The following CREBBP variants were observed in gnomAD, a reference collection of about 807,000 sequenced individuals.
CREBBP encodes CREB-binding protein.
CREBBP carries 19 observed loss-of-function variants against 265.0 expected under a neutral mutation model. The ratio of observed to expected loss-of-function variants is 0.07; its 90% CI spans 0.05 to 0.11. The LOEUF is 0.11. CREBBP is among the 10% of genes least tolerant of loss of function. The probability of loss-of-function intolerance (pLI) is 1.00; values close to 1 mark genes in which losing one functional copy is unlikely to be tolerated. For synonymous variants in CREBBP, 1,457 were observed against 1,223.7 expected, an observed-to-expected ratio of 1.19 and a Z score of -3.98; for missense variants, 2,525 against 3,219.0, an observed-to-expected ratio of 0.78 and a Z score of 5.22.
intron 24 of CREBBP, 66 bp from the exon 25 acceptor site, chr16:3,739,790 G>A: frequency 6.2e-7 from 1 of 1,609,260 alleles, no homozygotes; most frequent in Non-Finnish European, 8.5e-7. Flanking sequence ...CTGCACACCA[G>A]GCCTGCTCCT....
chr16:3,786,349 G>A (rs942252091), intron 5 of CREBBP, among the ~76,000 whole-genome samples: 22 of 152,048 alleles, frequency 1.4e-4, no homozygotes, highest in Non-Finnish European at 2.9e-4. Context: ...CTGGGCAACA[G>A]AGAGACTCTG....
At chr16:3,849,929 G>A (rs978268146) in intron 2 of CREBBP, among the ~76,000 whole-genome samples, 5 of 152,018 alleles carry the variant, frequency 3.3e-5, no homozygotes, top group Admixed American at 2.0e-4. Flanking sequence ...TCAGTGAAAT[G>A]GATACTGTGC....
chr16:3,844,298 G>T (rs553258167), intron 2 of CREBBP, among the ~76,000 whole-genome samples: 1 of 151,940 alleles, frequency 6.6e-6, no homozygotes, highest in African/African-American at 2.4e-5. Context: ...TGAAGCACTA[G>T]CAATTAAAAC....
At chr16:3,800,021 A>C (rs1349925156) in intron 3 of CREBBP, among the ~76,000 whole-genome samples, 2 of 152,226 alleles carry the variant, frequency 1.3e-5, no homozygotes, top group African/African-American at 4.8e-5. Context: ...TTAAATTGTA[A>C]AAGTATGGGA....
chr16:3,878,373 A>G (rs1257229915), intron 1 of CREBBP, among the ~76,000 whole-genome samples: 1 of 152,244 alleles, frequency 6.6e-6, no homozygotes, highest in Non-Finnish European at 1.5e-5. Context: ...TATCAGCTAA[A>G]AAGAAAAGCA....
chr16:3,746,657 T>C (rs1310183622), intron 21 of CREBBP, among the ~76,000 whole-genome samples: 1 of 152,084 alleles, frequency 6.6e-6, no homozygotes, highest in Admixed American at 6.6e-5. Flanking sequence ...CCCCCAAAAC[T>C]ACACTGGGGA....
At chr16:3,777,888 T>G (rs974411969) in intron 10 of CREBBP, 123 bp downstream of exon 10, 1 of 1,269,514 alleles carries the variant, frequency 7.9e-7, no homozygotes, top group Non-Finnish European at 1.1e-6. Flanking sequence ...CACTGCCACA[T>G]CAACAGCTTC....
At chr16:3,736,565 A>G in intron 27 of CREBBP, 85 bp downstream of exon 27, 2 of 1,556,070 alleles carry the variant, frequency 1.3e-6, no homozygotes, top group South Asian at 1.1e-5. Flanking sequence ...GGTAATTAAC[A>G]AGTATGCGAA....
At chr16:3,744,630 C>T (rs1322846855) in intron 23 of CREBBP, among the ~76,000 whole-genome samples, 2 of 152,186 alleles carry the variant, frequency 1.3e-5, no homozygotes, top group Admixed American at 1.3e-4. Context: ...CTGAGAAGCA[C>T]AGACTTCAGG....
At chr16:3,816,461 A>T (rs887168963) in intron 2 of CREBBP, among the ~76,000 whole-genome samples, 1 of 152,184 alleles carries the variant, frequency 6.6e-6, no homozygotes, top group Non-Finnish European at 1.5e-5. Flanking sequence ...TGATGAGGAA[A>T]TTCCTCTTTA....
chr16:3,852,115 G>C (rs1404946702), intron 1 of CREBBP, among the ~76,000 whole-genome samples: 1 of 118,664 alleles, frequency 8.4e-6, no homozygotes, highest in Non-Finnish European at 1.7e-5. Context: ...CATTGACTTA[G>C]ATGAACAGCA....
At chr16:3,810,391 G>A (rs746134944) in intron 3 of CREBBP, among the ~76,000 whole-genome samples, 4 of 152,096 alleles carry the variant, frequency 2.6e-5, no homozygotes, top group African/African-American at 9.7e-5. Context: ...TGGGAAGAGC[G>A]GCTGAATCAT....
rs578219283 is a variant in CREBBP at position 3,780,072 on chromosome 16, T to A, written c.1823+660A>T. On this transcript the variant is annotated intron_variant, in intron 8 of 30. Transcript: ENST00000262367. ...GCCTGGCCAGCGTGGTGAAACCCTG[T>A]CTCTACCAAAAACACAAAAAGTAGC... 4.6e-5 allele frequency among the ~76,000 whole-genome samples: 7 copies of A among 151,956 alleles called. No homozygotes were observed. In the East Asian group the frequency reaches 1.4e-3, roughly 29 times the overall value.
chr16:3,813,127 C>T (rs954030977), intron 2 of CREBBP: 2 of 230,486 alleles, frequency 8.7e-6, no homozygotes, highest in African/African-American at 4.4e-5. Flanking sequence ...AATGCCTGTA[C>T]AGAAACACAA....
rs1212688902 is a variant in CREBBP, at chr16:3,725,880, G to A, written c.*1838C>T. 8.6e-6 allele frequency: 2 copies of A among 233,068 alleles called. No homozygotes were observed. Among genetic ancestry groups the A allele is most frequent in the East Asian group, 6.0e-5 (1 of 16,580 alleles). The allele number at this position is 233,068 out of a possible 1,614,324, so 14.4% of individuals were successfully genotyped here. A position where few individuals can be genotyped will look rare whatever the true frequency, so the allele number is the denominator to read the frequency against. ...CCTTTGTTGGGGGACTAGGGATAAAGTGGGTTCTCTGGGTGCTGGGGGTGG... is the reference window on the plus strand; with the variant it reads ...CCTTTGTTGGGGGACTAGGGATAAAATGGGTTCTCTGGGTGCTGGGGGTGG... On this transcript the variant is annotated 3_prime_UTR_variant, in exon 31 of 31. Coordinates refer to ENST00000262367, the MANE Select transcript of CREBBP (RefSeq NM_004380.3).
intron 23 of CREBBP, chr16:3,741,562 T>C (rs1567274015): frequency 6.6e-6 from 1 of 151,414 alleles, no homozygotes; most frequent in African/African-American, 2.4e-5. Context: ...CCCAGCACTT[T>C]GGGAGGCCGA....
At chr16:3,781,586 G>C (rs130019) in intron 6 of CREBBP, among the ~76,000 whole-genome samples, 10 of 152,070 alleles carry the variant, frequency 6.6e-5, no homozygotes, top group African/African-American at 2.4e-4. Context: ...AAGTGAAAAA[G>C]TTATAAATGA....
chr16:3,739,840 C>T, intron 24 of CREBBP, 116 bp from the exon 25 acceptor site: 1 of 1,430,948 alleles, frequency 7.0e-7, no homozygotes, highest in Non-Finnish European at 9.8e-7. Flanking sequence ...GCATGGCCAC[C>T]TCCTCAGACC....
Position 3,880,621 on chromosome 16 carries a change from G to A in CREBBP, c.-705C>T, listed in dbSNP as rs1321327505. ...GCCGGGCGGAGCGGGGTGCGCGGGC[G>A]GTTGTGGGGCCCGGGACCGGCGGGG... On this transcript the variant is annotated 5_prime_UTR_variant, in exon 1 of 31. Coordinates refer to ENST00000262367, the MANE Select transcript of CREBBP (RefSeq NM_004380.3). 1 of 147,840 alleles carries A rather than the reference G, an allele frequency of 6.8e-6. No homozygotes were observed. The highest frequency in any genetic ancestry group is 1.5e-5 in the Non-Finnish European group (1 of 66,548). 9.2% of individuals were successfully genotyped at this position (147,840 alleles called of 1,614,324 possible). A position where few individuals can be genotyped will look rare whatever the true frequency, so the allele number is the denominator to read the frequency against.
Sources: gnomAD v4.1 joint callset for allele counts (sites outside exome capture counted in the v4.1 genomes callset) on GRCh38, gnomAD v4.1.1 for gene constraint, MANE v1.5 for transcripts, NCBI Gene and HGNC (gene_info 2026-07-23, HGNC 2026-07-21) for gene names.